Variants in PLA2G2F observed in about 807,000 individuals in gnomAD.
PLA2G2F encodes phospholipase A2 group IIF.
A neutral mutation model predicts 15.9 loss-of-function variants in PLA2G2F; 17 were observed. The ratio of observed to expected loss-of-function variants is 1.07; its 90% CI spans 0.73 to 1.60. The LOEUF is 1.60. Among genes scored for constraint, PLA2G2F ranks in the 40% most tolerant of loss-of-function variants. PLA2G2F has a pLI of 0.00. For missense variants in PLA2G2F, 299 were observed against 278.2 expected (o/e 1.07, Z -0.53); for synonymous variants, 119 against 106.5 (o/e 1.12, Z -0.72).
intron 1 of PLA2G2F, 84 bp from the exon 2 acceptor site, chr1:20,140,082 T>C: frequency 6.9e-7 from 1 of 1,442,610 alleles, no homozygotes; most frequent in Middle Eastern, 1.9e-4. Context: ...ACACCTGTCC[T>C]GAGGCTCAGG....
rs746476211 is a variant in PLA2G2F, at chr1:20,140,153, C to T, written c.117-13C>T. 2.2e-5 allele frequency: 35 copies of T among 1,613,216 alleles called. No individual in the cohort carries two copies. Among genetic ancestry groups the T allele is most frequent in the East Asian group, 4.5e-5 (2 of 44,862 alleles). ...GGGGATGGACTCAAGCTCCGGGTTT[C>T]GTCCTCCCTCAGGTCTAGCCTGGGT... On this transcript the variant is annotated splice_polypyrimidine_tract_variant and intron_variant, in intron 1 of 4. Transcript: ENST00000375102.
At chr1:20,146,489 A>G (rs1355114660) in intron 4 of PLA2G2F, among the ~76,000 whole-genome samples, 1 of 152,164 alleles carries the variant, frequency 6.6e-6, no homozygotes, top group African/African-American at 2.4e-5. Flanking sequence ...GGTAAGCGCA[A>G]GTGGCATCCA....
chr1:20,142,875 C>T (rs2017505241), intron 2 of PLA2G2F: 1 of 152,468 alleles, frequency 6.6e-6, no homozygotes, highest in Non-Finnish European at 1.5e-5. Flanking sequence ...AGAATCAACC[C>T]CCTGAGCTTC....
intron 4 of PLA2G2F, among the ~76,000 whole-genome samples, chr1:20,147,384 G>A (rs765541410): frequency 3.3e-5 from 5 of 152,060 alleles, no homozygotes; most frequent in Non-Finnish European, 5.9e-5. Context: ...GCATGTGAGA[G>A]GCTCTTAGGC....
chr1:20,147,027 C>T (rs1245492313), intron 4 of PLA2G2F, among the ~76,000 whole-genome samples: 13 of 152,150 alleles, frequency 8.5e-5, no homozygotes, highest in Non-Finnish European at 1.5e-4. Flanking sequence ...TCTTCTGGGG[C>T]CGTCTGATGC....
At chr1:20,146,895 T>C (rs2017624331) in intron 4 of PLA2G2F, among the ~76,000 whole-genome samples, 1 of 152,076 alleles carries the variant, frequency 6.6e-6, no homozygotes, top group African/African-American at 2.4e-5. Context: ...CTTAAAGCAG[T>C]GATTTTCATG....
Position 20,148,493 on chromosome 1 carries a change from G to C in PLA2G2F, c.*92G>C. 9.1e-7 allele frequency: 1 copy of C among 1,102,224 alleles called. No individual in the cohort carries two copies. The highest frequency in any genetic ancestry group is 1.3e-6 in the Non-Finnish European group (1 of 758,256). 68.3% of individuals were successfully genotyped at this position (1,102,224 alleles called of 1,614,324 possible). ...AGGGTAGGAGCCAGGCCAGGAGCCT[G>C]AGGGTTGCTGGTTGCCTCCTCCCTG... On this transcript the variant is annotated 3_prime_UTR_variant, in exon 5 of 5. Coordinates refer to ENST00000375102, the MANE Select transcript of PLA2G2F (RefSeq NM_022819.4).
chr1:20,143,631 A>G, intron 3 of PLA2G2F, 41 bp downstream of exon 3: 1 of 1,602,778 alleles, frequency 6.2e-7, no homozygotes, highest in South Asian at 1.1e-5. Context: ...GGGCCAAATG[A>G]GGACAGCTGA....
intron 1 of PLA2G2F, 36 bp downstream of exon 1, chr1:20,139,579 GGAGGGGCAGGGACAGGCGT>G: frequency 7.1e-7 from 1 of 1,414,204 alleles, no homozygotes; most frequent in Non-Finnish European, 9.5e-7. Context: ...AATCCTCCAG[GGAGGGGCAGGGACAGGCGT>G]GAGGGACTGG....
chr1:20,140,508 G>GC, intron 2 of PLA2G2F: 1 of 409,942 alleles, frequency 2.4e-6, no homozygotes, highest in Non-Finnish European at 4.4e-6. Flanking sequence ...GTGTACTAGT[G>GC]TGTGTCCATC....
intron 2 of PLA2G2F, 42 bp from the exon 3 acceptor site, chr1:20,143,404 C>G: frequency 6.2e-7 from 1 of 1,600,362 alleles, no homozygotes; most frequent in Non-Finnish European, 8.5e-7. Flanking sequence ...GAGCGGCCAG[C>G]CCCGGGGCAG....
chr1:20,142,267 A>G (rs2017489619), intron 2 of PLA2G2F: 1 of 152,280 alleles, frequency 6.6e-6, no homozygotes, highest in South Asian at 2.1e-4. Context: ...CGCTGCGGTT[A>G]GCTTCCCAGC....
At position 20,149,390 on chromosome 1, in the gene PLA2G2F, AG is replaced by A. The variant is rs2017683930; in HGVS notation, c.*994del. 6.6e-6 allele frequency: 1 copy of A among 152,298 alleles called. No individual in the cohort carries two copies. The highest frequency in any genetic ancestry group is 2.4e-5 in the African/African-American group (1 of 41,434). 9.4% of individuals were successfully genotyped at this position (152,298 alleles called of 1,614,324 possible). ...CCTGGAACAGCAGCCAGAACACCGGAGGGGGACCCACACCCTCTCTCCCTGG... is the reference window on the plus strand; with the variant it reads ...CCTGGAACAGCAGCCAGAACACCGGAGGGGACCCACACCCTCTCTCCCTGG... On this transcript the variant is annotated 3_prime_UTR_variant, in exon 5 of 5. Transcript: ENST00000375102.
intron 4 of PLA2G2F, among the ~76,000 whole-genome samples, chr1:20,147,032 T>G (rs944660383): frequency 1.3e-5 from 2 of 152,210 alleles, no homozygotes; most frequent in Admixed American, 1.3e-4. Context: ...TGGGGCCGTC[T>G]GATGCATCAG....
chr1:20,140,304 C>T, intron 2 of PLA2G2F, 86 bp downstream of exon 2: 1 of 1,435,982 alleles, frequency 7.0e-7, no homozygotes, highest in South Asian at 1.2e-5. Context: ...TATGGTTCCA[C>T]TGACCAGCCT....
At position 20,143,462 on chromosome 1, in the gene PLA2G2F, C is replaced by T. The variant is rs780859095; in HGVS notation, c.186C>T (p.His62=). The T allele has an allele frequency of 2.2e-5, 36 of 1,613,950 alleles. No individual in the cohort carries two copies. Among genetic ancestry groups the T allele is most frequent in the Middle Eastern group, 1.7e-4 (1 of 6,058 alleles). ...ILAGSVLSTA[H]GSLLNLKAMV... is the part of the protein sequence containing the mutation. Reference sequence around the variant, plus strand: ...CTCTTGCAGTTCTGTCCACAGCTCACGGCAGCCTGCTCAACCTGAAGGCCA... The same window carrying T: ...CTCTTGCAGTTCTGTCCACAGCTCATGGCAGCCTGCTCAACCTGAAGGCCA... The change falls in exon 3 of 5, where the codon CAC becomes CAT. Residue 62 remains histidine, a synonymous_variant. Transcript: ENST00000375102.
rs2017670176 is a variant in PLA2G2F at position 20,148,813 on chromosome 1, G to A, written c.*412G>A. ...CAGGCCCAGAGCTGGATGCATCCTC[G>A]GCCCAAGATCACAGGAAGGCAGATT... On this transcript the variant is annotated 3_prime_UTR_variant, in exon 5 of 5. Transcript: ENST00000375102. 2.2e-5 allele frequency: 4 copies of A among 183,044 alleles called. No individual in the cohort carries two copies. Among genetic ancestry groups the A allele is most frequent in the African/African-American group, 7.1e-5 (3 of 42,314 alleles). The allele number at this position is 183,044 out of a possible 1,614,324, so 11.3% of individuals were successfully genotyped here.
intron 4 of PLA2G2F, among the ~76,000 whole-genome samples, chr1:20,146,123 C>T (rs1046579676): frequency 6.6e-6 from 1 of 152,204 alleles, no homozygotes; most frequent in African/African-American, 2.4e-5. Flanking sequence ...TGGCTTTCAG[C>T]CGGCTCCCCA....
intron 2 of PLA2G2F, chr1:20,141,047 G>C (rs1423241019): frequency 1.3e-5 from 2 of 152,240 alleles, no homozygotes; most frequent in Non-Finnish European, 2.9e-5. Flanking sequence ...ACCAAAATAA[G>C]GTTCCACGTG....
Sources: allele counts gnomAD v4.1 joint callset (sites outside exome capture counted in the v4.1 genomes callset), GRCh38; gene constraint gnomAD v4.1.1; transcripts MANE v1.5; gene names NCBI Gene and HGNC (gene_info 2026-07-23, HGNC 2026-07-21).